SUCLG2: variants seen among roughly 807,000 people sequenced by gnomAD.
The protein encoded by SUCLG2 is succinate-CoA ligase GDP-forming subunit beta.
A neutral mutation model predicts 47.9 loss-of-function variants in SUCLG2; 42 were observed. The observed-to-expected ratio is 0.88, with a 90% CI of 0.69 to 1.14. The LOEUF is 1.14. Ranked by LOEUF, SUCLG2 falls within the 50% of genes most tolerant of loss-of-function variation. SUCLG2 has a pLI of 0.00. For missense variants in SUCLG2, 571 were observed against 525.9 expected (o/e 1.09, Z -0.84); for synonymous variants, 195 against 197.3 (o/e 0.99, Z 0.10).
At chr3:67,488,720 G>A (rs1705127524) in intron 9 of SUCLG2, among the ~76,000 whole-genome samples, 2 of 152,072 alleles carry the variant, frequency 1.3e-5, no homozygotes, top group Non-Finnish European at 2.9e-5. Flanking sequence ...TGCATTCAAT[G>A]CTTCATTTTC....
chr3:67,372,466 T>C (rs1701968072), downstream of SUCLG2, among the ~76,000 whole-genome samples: 1 of 152,150 alleles, frequency 6.6e-6, no homozygotes, highest in Non-Finnish European at 1.5e-5. Context: ...CAAGGATCAC[T>C]TTGAGGATGA....
chr3:67,580,543 C>T (rs1707855820), intron 2 of SUCLG2, among the ~76,000 whole-genome samples: 1 of 152,146 alleles, frequency 6.6e-6, no homozygotes, highest in African/African-American at 2.4e-5. Flanking sequence ...TGCTAAGTGC[C>T]TCCTCGGGGC....
At chr3:67,477,483 T>G (rs1704794289) in intron 9 of SUCLG2, among the ~76,000 whole-genome samples, 1 of 152,034 alleles carries the variant, frequency 6.6e-6, no homozygotes, top group Non-Finnish European at 1.5e-5. Flanking sequence ...TAACTGGAGG[T>G]CAGGAGTTCA....
At chr3:67,522,824 C>T (rs1255537455) in intron 4 of SUCLG2, among the ~76,000 whole-genome samples, 6 of 150,770 alleles carry the variant, frequency 4.0e-5, no homozygotes, top group African/African-American at 9.9e-5. Flanking sequence ...CCACCACACC[C>T]GGCTAATTTT....
intron 2 of SUCLG2, among the ~76,000 whole-genome samples, chr3:67,549,580 T>TTTATAG (rs1706956740): frequency 6.6e-6 from 1 of 152,244 alleles, no homozygotes; most frequent in African/African-American, 2.4e-5. Context: ...TACCTCCTTC[T>TTTATAG]TTATAGTTTT....
At chr3:67,627,457 A>C (rs1700853140) in intron 1 of SUCLG2, among the ~76,000 whole-genome samples, 1 of 152,208 alleles carries the variant, frequency 6.6e-6, no homozygotes, top group South Asian at 2.1e-4. Flanking sequence ...CAATGTAGTA[A>C]ATCAAAAGAA....
intron 2 of SUCLG2, among the ~76,000 whole-genome samples, chr3:67,578,260 A>C (rs1235237516): frequency 1.4e-5 from 2 of 139,166 alleles, no homozygotes; most frequent in Non-Finnish European, 3.0e-5. Context: ...TATATAAAAA[A>C]ATTTTATATA....
chr3:67,477,649 C>G (rs1482950330), intron 9 of SUCLG2, among the ~76,000 whole-genome samples: 1 of 152,130 alleles, frequency 6.6e-6, no homozygotes, highest in African/African-American at 2.4e-5. Context: ...GATCTGAGAT[C>G]AAGCCACTGC....
At chr3:67,626,913 CAAAA>C (rs35290770) in intron 1 of SUCLG2, among the ~76,000 whole-genome samples, 4 of 42,082 alleles carry the variant, frequency 9.5e-5, no homozygotes, top group Admixed American at 6.7e-4. Flanking sequence ...GACTCCGTCT[CAAAA>C]AAAAAAAAAA....
intron 7 of SUCLG2, among the ~76,000 whole-genome samples, chr3:67,500,443 T>C (rs1705465946): frequency 6.6e-6 from 1 of 152,242 alleles, no homozygotes; most frequent in Non-Finnish European, 1.5e-5. Flanking sequence ...TAATGTCTGC[T>C]TAAATCCTTA....
chr3:67,395,017 A>G (rs1702488922), intron 10 of SUCLG2, among the ~76,000 whole-genome samples: 1 of 152,200 alleles, frequency 6.6e-6, no homozygotes, highest in Non-Finnish European at 1.5e-5. Context: ...GATCTCCTGA[A>G]GGAAGCACTA....
intron 10 of SUCLG2, 131 bp from the exon 11 acceptor site, chr3:67,375,990 C>A (rs1304721579): frequency 1.4e-6 from 2 of 1,399,506 alleles, no homozygotes; most frequent in African/African-American, 1.5e-5. Flanking sequence ...AGGTTCTCAT[C>A]AAGGTCACTG....
At chr3:67,504,596 C>T (rs1222715261) in intron 7 of SUCLG2, among the ~76,000 whole-genome samples, 2 of 152,092 alleles carry the variant, frequency 1.3e-5, no homozygotes, top group South Asian at 2.1e-4. Context: ...TGGGTGAGGT[C>T]GTTCTCTGTG....
intron 2 of SUCLG2, among the ~76,000 whole-genome samples, chr3:67,607,490 T>C (rs567228753): frequency 1.0e-3 from 154 of 152,258 alleles, no homozygotes; most frequent in Non-Finnish European, 1.7e-3. Context: ...TGGCTCACAT[T>C]ATACTCCTAC....
chr3:67,456,136 T>A (rs1351956527), intron 9 of SUCLG2, among the ~76,000 whole-genome samples: 1 of 152,202 alleles, frequency 6.6e-6, no homozygotes, highest in East Asian at 1.9e-4. Flanking sequence ...CAACCTGGAA[T>A]CATGTGATTG....
chr3:67,551,391 C>T (rs558970131), intron 2 of SUCLG2, among the ~76,000 whole-genome samples: 4 of 152,266 alleles, frequency 2.6e-5, no homozygotes, highest in East Asian at 1.9e-4. Flanking sequence ...TCTTGCTTTT[C>T]GATAGTCTCC....
chr3:67,424,603 T>C lies in SUCLG2; in HGVS notation c.1063-23752A>G, dbSNP rs1703251977. Among the ~76,000 whole-genome samples, 5 of 152,320 alleles carry C rather than the reference T, an allele frequency of 3.3e-5. 1 individual carries two copies. In the South Asian group the frequency reaches 1.0e-3, roughly 32 times the overall value. On this transcript the variant is annotated intron_variant, in intron 9 of 10. Coordinates refer to ENST00000307227, the MANE Select transcript of SUCLG2 (RefSeq NM_003848.4). ...GTTATGAATCTCTTCTATGCCTCCT[T>C]TTCTTGGCTGTAAAATAGATAATCA...
intron 2 of SUCLG2, among the ~76,000 whole-genome samples, chr3:67,564,308 C>A (rs1303772656): frequency 1.3e-5 from 2 of 152,124 alleles, no homozygotes; most frequent in African/African-American, 2.4e-5. Flanking sequence ...GGCTCACTAG[C>A]TTTCCCCCCT....
chr3:67,632,585 G>A (rs561752608), intron 1 of SUCLG2, among the ~76,000 whole-genome samples: 2 of 152,056 alleles, frequency 1.3e-5, no homozygotes, highest in Non-Finnish European at 2.9e-5. Flanking sequence ...ATGGACACTG[G>A]ATCACGGACT....
Sources: allele counts gnomAD v4.1 joint callset (sites outside exome capture counted in the v4.1 genomes callset), GRCh38; gene constraint gnomAD v4.1.1; transcripts MANE v1.5; gene names NCBI Gene and HGNC (gene_info 2026-07-23, HGNC 2026-07-21).